The following FOXJ3 variants were observed in gnomAD, a reference collection of about 807,000 sequenced individuals.
FOXJ3 encodes the protein forkhead box protein J3.
FOXJ3 carries 22 observed loss-of-function variants against 76.1 expected under a neutral mutation model. The observed-to-expected ratio is 0.29, with a 90% CI of 0.21 to 0.41. The LOEUF is 0.41. FOXJ3 is among the 10% of genes least tolerant of loss of function. The pLI, the probability that FOXJ3 is intolerant of heterozygous loss-of-function variation, is 1.00. For missense variants in FOXJ3, 613 were observed against 762.1 expected (o/e 0.80, Z 2.30); for synonymous variants, 269 against 261.2 (o/e 1.03, Z -0.29).
chr1:42,205,886 A>G, intron 5 of FOXJ3, 23 bp from the exon 6 acceptor site: 1 of 1,382,148 alleles, frequency 7.2e-7, no homozygotes, highest in Non-Finnish European at 1.0e-6. Context: ...AACAAAATAA[A>G]TAATTATTAG....
chr1:42,200,389 A>AT (rs1050623187), intron 6 of FOXJ3, among the ~76,000 whole-genome samples: 8 of 152,104 alleles, frequency 5.3e-5, no homozygotes, highest in South Asian at 4.2e-4. Context: ...TTTAAAATTC[A>AT]TTTTTTTGTG....
At chr1:42,296,320 T>G (rs1653784918) in intron 2 of FOXJ3, among the ~76,000 whole-genome samples, 1 of 152,220 alleles carries the variant, frequency 6.6e-6, no homozygotes, top group African/African-American at 2.4e-5. Flanking sequence ...TGTGAAGCTT[T>G]AGTTTAATTA....
chr1:42,238,529 G>A (rs1648880426), intron 4 of FOXJ3, among the ~76,000 whole-genome samples: 1 of 152,036 alleles, frequency 6.6e-6, no homozygotes, highest in Non-Finnish European at 1.5e-5. Flanking sequence ...AAGAGGACCA[G>A]CACGCCAATT....
At chr1:42,252,764 A>G (rs545482501) in intron 4 of FOXJ3, among the ~76,000 whole-genome samples, 1 of 152,174 alleles carries the variant, frequency 6.6e-6, no homozygotes, top group African/African-American at 2.4e-5. Context: ...GTGGGCATTT[A>G]GTGCTATAAA....
rs1020470866 is a variant in FOXJ3, at chr1:42,177,184, C to G, written c.*2526G>C. ...CCACAGAAAAGGCCTGTCCTGGGCT[C>G]CTGGACCACCTGGATCACAGGAGAG... On this transcript the variant is annotated 3_prime_UTR_variant, in exon 13 of 13. Coordinates refer to ENST00000361346, the MANE Select transcript of FOXJ3 (RefSeq NM_014947.5). The G allele has an allele frequency of 6.6e-6, 1 of 152,666 alleles. No individual in the cohort carries two copies. The highest frequency in any genetic ancestry group is 2.4e-5 in the African/African-American group (1 of 41,466). 9.5% of individuals were successfully genotyped at this position (152,666 alleles called of 1,614,324 possible).
chr1:42,185,077 C>T (rs1042222838), intron 11 of FOXJ3, among the ~76,000 whole-genome samples: 7 of 151,934 alleles, frequency 4.6e-5, no homozygotes, highest in South Asian at 4.1e-4. Flanking sequence ...AGAAAACAGA[C>T]GTGACATGAT....
intron 5 of FOXJ3, among the ~76,000 whole-genome samples, chr1:42,213,115 T>C (rs901896040): frequency 4.6e-5 from 7 of 151,968 alleles, no homozygotes; most frequent in African/African-American, 1.2e-4. Flanking sequence ...CGCAAAAGAA[T>C]AGAAACTCCT....
At chr1:42,279,460 A>C (rs1303361602) in intron 2 of FOXJ3, among the ~76,000 whole-genome samples, 1 of 152,196 alleles carries the variant, frequency 6.6e-6, no homozygotes, top group Admixed American at 6.5e-5. Flanking sequence ...CAAGAAAAGA[A>C]GCATTAAAAA....
chr1:42,279,264 T>C (rs1446455192), intron 2 of FOXJ3, among the ~76,000 whole-genome samples: 1 of 152,042 alleles, frequency 6.6e-6, no homozygotes, highest in Non-Finnish European at 1.5e-5. Context: ...GGAGACAAGC[T>C]AGCTGGGGGA....
intron 4 of FOXJ3, among the ~76,000 whole-genome samples, chr1:42,228,947 T>G (rs182330844): frequency 3.2e-4 from 48 of 152,282 alleles, no homozygotes; most frequent in African/African-American, 8.4e-4. Context: ...CCTAGGCCGT[T>G]TTTTAAGGCA....
chr1:42,283,903 C>T (rs998069239), intron 2 of FOXJ3, among the ~76,000 whole-genome samples: 3 of 152,164 alleles, frequency 2.0e-5, no homozygotes, highest in African/African-American at 4.8e-5. Flanking sequence ...TGGTATTGCA[C>T]CTTTTGCCCT....
intron 5 of FOXJ3, among the ~76,000 whole-genome samples, chr1:42,222,328 T>G (rs2124429591): frequency 6.6e-6 from 1 of 152,190 alleles, no homozygotes; most frequent in African/African-American, 2.4e-5. Flanking sequence ...GTTATGCCTC[T>G]CTGCTACATG....
At chr1:42,245,102 C>A (rs1297729613) in intron 4 of FOXJ3, among the ~76,000 whole-genome samples, 1 of 150,418 alleles carries the variant, frequency 6.6e-6, no homozygotes, top group Non-Finnish European at 1.5e-5. Flanking sequence ...ATCGCTTGAA[C>A]CCAGGAGGCG....
chr1:42,291,973 GCT>G (rs981737725), intron 2 of FOXJ3, among the ~76,000 whole-genome samples: 10 of 152,176 alleles, frequency 6.6e-5, no homozygotes. Flanking sequence ...ACGGGAGCAG[GCT>G]CAGGGTCCCG....
chr1:42,293,175 C>T, intron 2 of FOXJ3, among the ~76,000 whole-genome samples: 1 of 152,010 alleles, frequency 6.6e-6, no homozygotes, highest in East Asian at 1.9e-4. Flanking sequence ...TAAAAAGAGA[C>T]AAACAAATAT....
At chr1:42,194,570 T>A (rs1033330351) in intron 8 of FOXJ3, among the ~76,000 whole-genome samples, 1 of 152,174 alleles carries the variant, frequency 6.6e-6, no homozygotes, top group Non-Finnish European at 1.5e-5. Context: ...ACTCAAACAC[T>A]TCATATGCCA....
intron 5 of FOXJ3, among the ~76,000 whole-genome samples, chr1:42,223,416 C>G (rs903900903): frequency 9.9e-5 from 15 of 152,180 alleles, no homozygotes; most frequent in African/African-American, 3.6e-4. Context: ...CTGTCCACCC[C>G]TTATCTAAAT....
At chr1:42,314,601 T>C (rs1655001834) in intron 1 of FOXJ3, among the ~76,000 whole-genome samples, 1 of 152,188 alleles carries the variant, frequency 6.6e-6, no homozygotes, top group Non-Finnish European at 1.5e-5. Flanking sequence ...AAGGCAATGA[T>C]CTGAGTGTGT....
chr1:42,287,438 G>A (rs939076680), intron 2 of FOXJ3, among the ~76,000 whole-genome samples: 1 of 152,042 alleles, frequency 6.6e-6, no homozygotes, highest in Non-Finnish European at 1.5e-5. Flanking sequence ...AACTGGTCAG[G>A]GTTCTCTTCA....
Sources: gnomAD v4.1 joint callset for allele counts (sites outside exome capture counted in the v4.1 genomes callset) on GRCh38, gnomAD v4.1.1 for gene constraint, MANE v1.5 for transcripts, NCBI Gene and HGNC (gene_info 2026-07-23, HGNC 2026-07-21) for gene names.